FYN: variants seen among roughly 807,000 people sequenced by gnomAD.
The protein encoded by FYN is FYN proto-oncogene, Src family tyrosine kinase.
A neutral mutation model predicts 70.2 loss-of-function variants in FYN; 10 were observed. The observed-to-expected ratio is 0.14, with a 90% confidence interval of 0.09 to 0.24. The LOEUF (loss-of-function observed/expected upper bound fraction) is 0.24, where lower values mean the gene tolerates loss of function less well. Among genes scored for constraint, FYN ranks in the 10% least tolerant of loss-of-function variants. FYN has a pLI of 1.00. For synonymous variants in FYN, 236 were observed against 248.6 expected, an observed-to-expected ratio of 0.95 and a Z score of 0.48; for missense variants, 319 against 673.1, an observed-to-expected ratio of 0.47 and a Z score of 5.82.
intron 2 of FYN, among the ~76,000 whole-genome samples, chr6:111,805,527 G>A (rs1421984238): frequency 6.6e-6 from 1 of 152,126 alleles, no homozygotes; most frequent in Admixed American, 6.5e-5. Flanking sequence ...CAGTCTTTAC[G>A]CAGAATAAAA....
chr6:111,716,581 T>C (rs181150266), intron 4 of FYN, among the ~76,000 whole-genome samples: 40 of 152,064 alleles, frequency 2.6e-4, no homozygotes, highest in Non-Finnish European at 2.5e-4. Context: ...GGAGGGGAAA[T>C]CTGTTGCCAG....
At chr6:111,862,815 T>C (rs1038387076) in intron 1 of FYN, among the ~76,000 whole-genome samples, 3 of 152,012 alleles carry the variant, frequency 2.0e-5, no homozygotes, top group African/African-American at 4.8e-5. Flanking sequence ...AATAAAGAGA[T>C]TGGGGGAAGC....
In FYN at chr6:111,700,201, A is replaced by G; in HGVS notation, c.765T>C (p.Asp255=). 1.2e-6 allele frequency: 2 copies of G among 1,614,110 alleles called. No individual in the cohort carries two copies. Among genetic ancestry groups the G allele is most frequent in the Middle Eastern group, 1.6e-4 (1 of 6,062 alleles). The change falls in exon 9 of 14, where the codon GAT becomes GAC. Residue 255 remains aspartate (D), a synonymous_variant. Transcript: ENST00000354650. ...AGACATCTTTGGTTTTGACAGACAG[A>G]TCGGTAAGCCTTGGCATCCCTTTGT... ...PCHKGMPRLT[D]LSVKTKDVWE...
At chr6:111,756,380 A>G (rs1166704555) in intron 3 of FYN, among the ~76,000 whole-genome samples, 1 of 152,004 alleles carries the variant, frequency 6.6e-6, no homozygotes, top group African/African-American at 2.4e-5. Flanking sequence ...AAAAACCAAT[A>G]AACACTAGGT....
At chr6:111,745,007 C>T (rs990396203) in intron 3 of FYN, among the ~76,000 whole-genome samples, 1 of 152,084 alleles carries the variant, frequency 6.6e-6, no homozygotes, top group African/African-American at 2.4e-5. Flanking sequence ...CTTTAACATC[C>T]GCCCAGAAAA....
intron 13 of FYN, among the ~76,000 whole-genome samples, chr6:111,666,209 A>G (rs1266524112): frequency 6.6e-6 from 1 of 152,118 alleles, no homozygotes; most frequent in Non-Finnish European, 1.5e-5. Context: ...AGCACATTTT[A>G]GGGAAACAAT....
At chr6:111,837,594 T>C (rs1312326408) in intron 2 of FYN, among the ~76,000 whole-genome samples, 4 of 152,040 alleles carry the variant, frequency 2.6e-5, no homozygotes, top group African/African-American at 4.8e-5. Flanking sequence ...GTACAACAAG[T>C]AGAAGTTGGT....
chr6:111,822,175 G>C (rs1223270801), intron 2 of FYN, among the ~76,000 whole-genome samples: 1 of 152,114 alleles, frequency 6.6e-6, no homozygotes, highest in South Asian at 2.1e-4. Flanking sequence ...AAAGACACAT[G>C]CACATGTATG....
intron 2 of FYN, chr6:111,820,027 AT>A (rs1368621347): frequency 1.3e-5 from 2 of 152,196 alleles, no homozygotes; most frequent in African/African-American, 4.8e-5. Flanking sequence ...ACCCGGGAAC[AT>A]TACAGGACCA....
chr6:111,822,684 T>C (rs1772707744), intron 2 of FYN, among the ~76,000 whole-genome samples: 1 of 150,162 alleles, frequency 6.7e-6, no homozygotes, highest in African/African-American at 2.4e-5. Context: ...AAAAAATAAA[T>C]AATAAATTTA....
At chr6:111,772,620 A>G (rs1803493187) in intron 3 of FYN, among the ~76,000 whole-genome samples, 1 of 152,194 alleles carries the variant, frequency 6.6e-6, no homozygotes, top group Non-Finnish European at 1.5e-5. Context: ...TTCTTGGCAA[A>G]AGATGTTTAA....
At chr6:111,725,884 C>A (rs1218418223) in intron 3 of FYN, among the ~76,000 whole-genome samples, 1 of 152,190 alleles carries the variant, frequency 6.6e-6, no homozygotes, top group Non-Finnish European at 1.5e-5. Flanking sequence ...TGTTATTTGG[C>A]ACAGCCGACT....
At chr6:111,840,958 A>AGT in intron 2 of FYN, among the ~76,000 whole-genome samples, 1 of 152,228 alleles carries the variant, frequency 6.6e-6, no homozygotes, top group East Asian at 1.9e-4. Flanking sequence ...TGTAAAAACA[A>AGT]ATGGTACAAA....
intron 10 of FYN, among the ~76,000 whole-genome samples, chr6:111,695,253 G>C (rs1466761037): frequency 1.3e-5 from 2 of 152,032 alleles, no homozygotes. Context: ...AATAATACAA[G>C]GTAAAGTTTG....
chr6:111,866,893 T>TTA (rs1451346866), intron 1 of FYN, among the ~76,000 whole-genome samples: 1 of 152,184 alleles, frequency 6.6e-6, no homozygotes, highest in African/African-American at 2.4e-5. Flanking sequence ...GAGCAACAGA[T>TTA]TTCTAGACTT....
rs1443536544 is a variant in FYN, at chr6:111,660,450, A to G, written c.*1289T>C. The G allele has an allele frequency of 6.6e-6, 1 of 152,276 alleles. No individual in the cohort carries two copies. The highest frequency in any genetic ancestry group is 1.9e-4 in the East Asian group (1 of 5,206). The allele number at this position is 152,276 out of a possible 1,614,324, so 9.4% of individuals were successfully genotyped here. ...AATTAAGACTTCAGAGTTGCTAGTCAGTATTAAAAACTCAATAGAAATAGG... is the reference window on the plus strand; with the variant it reads ...AATTAAGACTTCAGAGTTGCTAGTCGGTATTAAAAACTCAATAGAAATAGG... On this transcript the variant is annotated 3_prime_UTR_variant, in exon 14 of 14. Coordinates refer to ENST00000354650, the MANE Select transcript of FYN (RefSeq NM_002037.5).
intron 2 of FYN, among the ~76,000 whole-genome samples, chr6:111,827,519 G>A (rs891429693): frequency 6.6e-6 from 1 of 152,146 alleles, no homozygotes; most frequent in Non-Finnish European, 1.5e-5. Context: ...ATCATGTAAT[G>A]CCCCCTTTTG....
At chr6:111,666,113 T>C (rs1797995766) in intron 13 of FYN, among the ~76,000 whole-genome samples, 1 of 149,416 alleles carries the variant, frequency 6.7e-6, no homozygotes, top group South Asian at 2.2e-4. Flanking sequence ...GCAATTCTCA[T>C]GCCTCAGCCT....
intron 9 of FYN, 23 bp downstream of exon 9, chr6:111,700,081 A>C: frequency 6.2e-7 from 1 of 1,609,236 alleles, no homozygotes; most frequent in Non-Finnish European, 8.5e-7. Context: ...AGCTAATAAG[A>C]GAGTAATTGA....
Sources: gnomAD v4.1 joint callset for allele counts (sites outside exome capture counted in the v4.1 genomes callset) on GRCh38, gnomAD v4.1.1 for gene constraint, MANE v1.5 for transcripts, NCBI Gene and HGNC (gene_info 2026-07-23, HGNC 2026-07-21) for gene names.